Variants in VAC14 observed in about 807,000 individuals in gnomAD.
VAC14 encodes VAC14 component of PIKFYVE complex, also known as protein VAC14 homolog.
Under a neutral mutation model 85.3 loss-of-function variants are expected in VAC14, and 47 were observed. The observed-to-expected ratio is 0.55, with a 90% CI of 0.44 to 0.70. VAC14 has a LOEUF of 0.70. VAC14 is among the 30% of genes least tolerant of loss of function. The pLI is 0.00. For synonymous variants in VAC14, 447 were observed against 430.5 expected (o/e 1.04, Z -0.47); for missense variants, 861 against 1,004.3 (o/e 0.86, Z 1.93).
chr16:70,765,349 C>T (rs971749487), intron 10 of VAC14, among the ~76,000 whole-genome samples: 1 of 152,156 alleles, frequency 6.6e-6, no homozygotes, highest in African/African-American at 2.4e-5. Flanking sequence ...TGACCAGGTC[C>T]CCTACTCCAC....
intron 13 of VAC14, among the ~76,000 whole-genome samples, chr16:70,735,307 G>A (rs1209043189): frequency 6.8e-6 from 1 of 148,134 alleles, no homozygotes; most frequent in Non-Finnish European, 1.5e-5. Flanking sequence ...ACAAGCACAA[G>A]ATAGGCAGGA....
intron 14 of VAC14, chr16:70,731,287 A>G: frequency 7.4e-7 from 1 of 1,344,024 alleles, no homozygotes; most frequent in Non-Finnish European, 9.5e-7. Flanking sequence ...GTGCGGAAAA[A>G]CATCAACACT....
chr16:70,795,494 TAAAAAAAAAAAA>T (rs71153603), intron 1 of VAC14, among the ~76,000 whole-genome samples: 2 of 91,940 alleles, frequency 2.2e-5, no homozygotes, highest in Middle Eastern at 0.012. Context: ...AGACTCTGTC[TAAAAAAAAAAAA>T]AAAAAAAAAA....
chr16:70,772,127 C>G lies in VAC14; in HGVS notation c.1142G>C (p.Ser381Thr). ...CACTTACCTGGCTGCAGTGAAGACA[C>G]TGATGCCGCTACTGAAGCTGGAGTC... ...SCDSSFSSGI[S>T]VFTAASTERA... Residue 381 changes from serine to threonine, a missense_variant, in exon 10 of 19, where the codon AGT becomes ACT. Coordinates refer to ENST00000261776, the MANE Select transcript of VAC14 (RefSeq NM_018052.5). The G allele has an allele frequency of 6.2e-7, 1 of 1,614,170 alleles. No homozygotes were observed. Among genetic ancestry groups the G allele is most frequent in the Non-Finnish European group, 8.5e-7 (1 of 1,180,042 alleles).
intron 13 of VAC14, among the ~76,000 whole-genome samples, chr16:70,734,904 C>T (rs1317143433): frequency 6.6e-6 from 1 of 152,168 alleles, no homozygotes; most frequent in Non-Finnish European, 1.5e-5. Context: ...CTGGCGAGTG[C>T]TAGAGTTGCT....
chr16:70,749,113 C>T lies in VAC14; in HGVS notation c.1372-4534G>A, dbSNP rs117291074. ...CAAGAGATACTTGATGTGCAAAGCA[C>T]GAAAAGCGGGCACACAAGAAAGGCT... On this transcript the variant is annotated intron_variant, in intron 12 of 18. Coordinates refer to ENST00000261776, the MANE Select transcript of VAC14 (RefSeq NM_018052.5). Among the ~76,000 whole-genome samples the T allele has an allele frequency of 3.6e-3, 553 of 152,310 alleles. 1 individual carries two copies. The highest frequency in any genetic ancestry group is 0.014 in the Middle Eastern group (4 of 294).
chr16:70,709,015 G>A (rs1468240694), intron 14 of VAC14, among the ~76,000 whole-genome samples: 1 of 152,208 alleles, frequency 6.6e-6, no homozygotes, highest in Non-Finnish European at 1.5e-5. Flanking sequence ...CCAAGCCCTT[G>A]GGTCCCTGCT....
At chr16:70,766,653 C>T (rs767976700) in intron 10 of VAC14, 30 of 372,058 alleles carry the variant, frequency 8.1e-5, no homozygotes, top group Non-Finnish European at 1.5e-4. Context: ...AGCAGTCATT[C>T]CCTGGGCTGG....
Position 70,784,155 on chromosome 16 carries a change from A to G in VAC14, c.552T>C (p.Ile184=), listed in dbSNP as rs1206838638. 32 of 1,614,002 alleles carry G rather than the reference A, an allele frequency of 2.0e-5. No homozygotes were observed. The highest frequency in any genetic ancestry group is 2.6e-5 in the Non-Finnish European group (31 of 1,180,014). The change falls in exon 5 of 19, where the codon ATT becomes ATC. Residue 184 remains isoleucine, a synonymous_variant. Transcript: ENST00000261776. ...VSFIPLLRER[I]YSNNQYARQF... ...GCCGGGCATACTGGTTGTTGGAGTAAATCCTCTCTCGCAACAAGGGGATGA... is the reference window on the plus strand; with the variant it reads ...GCCGGGCATACTGGTTGTTGGAGTAGATCCTCTCTCGCAACAAGGGGATGA...
At position 70,688,021 on chromosome 16, in the gene VAC14, C is replaced by T. The variant is rs767485470; in HGVS notation, c.2256G>A (p.Leu752=). 8.1e-6 allele frequency: 13 copies of T among 1,606,716 alleles called. No homozygotes were observed. Among genetic ancestry groups the T allele is most frequent in the Non-Finnish European group, 1.1e-5 (13 of 1,175,790 alleles). Residue 752 remains leucine, a synonymous_variant, in exon 19 of 19, where the codon CTG becomes CTA. Coordinates refer to ENST00000261776, the MANE Select transcript of VAC14 (RefSeq NM_018052.5). ...TGTTCTGGACCTTCTCAAAGTGCTGCAGCAGCTCTGCGTAGTCGATGCTAG... is the reference window on the plus strand; with the variant it reads ...TGTTCTGGACCTTCTCAAAGTGCTGTAGCAGCTCTGCGTAGTCGATGCTAG... ...DSPSIDYAEL[L]QHFEKVQNKH...
chr16:70,699,568 A>G lies in VAC14; in HGVS notation c.1662-757T>C, dbSNP rs2142992235. ...TGAAGAGGAGCCTCCCTGTTATACA[A>G]AAGGCAAAAAGGGAACCCAGAGGAT... is the stretch of plus-strand genomic sequence containing the variant. On this transcript the variant is annotated intron_variant, in intron 14 of 18. Coordinates refer to ENST00000261776, the MANE Select transcript of VAC14 (RefSeq NM_018052.5). 2 of 152,334 alleles carry G rather than the reference A, an allele frequency of 1.3e-5. 1 individual carries two copies. Among genetic ancestry groups the G allele is most frequent in the East Asian group, 3.9e-4 (2 of 5,188 alleles). The allele number at this position is 152,334 out of a possible 1,614,324, so 9.4% of individuals were successfully genotyped here.
intron 1 of VAC14, among the ~76,000 whole-genome samples, chr16:70,794,117 G>A (rs1452618979): frequency 1.3e-5 from 2 of 152,164 alleles, no homozygotes; most frequent in African/African-American, 2.4e-5. Context: ...TAACAAAACA[G>A]CACTAATTTA....
At chr16:70,714,305 G>A (rs1439294734) in intron 14 of VAC14, 2 of 152,234 alleles carry the variant, frequency 1.3e-5, no homozygotes, top group Non-Finnish European at 2.9e-5. Flanking sequence ...TTCCCGCGAG[G>A]GTCAGGGACT....
rs1490356796 is a variant in VAC14, at chr16:70,695,597, A to T, written c.1982T>A (p.Phe661Tyr). ...CACCAGCTTGTCCACCTCTGCGAGG[A>T]AGTCCACGGTGACCTCCAGGTCCCC... ...KFGDLEVTVDFLAEVDKLVQL... is the reference protein window; with the variant it reads ...KFGDLEVTVDYLAEVDKLVQL... The change falls in exon 17 of 19, where the codon TTC (phenylalanine) becomes TAC (tyrosine). Residue 661 changes from phenylalanine to tyrosine, a missense_variant. Physicochemically the swap from Phe to Tyr is conservative, Grantham distance 22. Transcript: ENST00000261776. The T allele has an allele frequency of 1.2e-6, 2 of 1,613,848 alleles. No individual in the cohort carries two copies. Among genetic ancestry groups the T allele is most frequent in the Non-Finnish European group, 1.7e-6 (2 of 1,179,930 alleles).
intron 13 of VAC14, among the ~76,000 whole-genome samples, chr16:70,740,048 C>T (rs1004074164): frequency 6.6e-6 from 1 of 150,936 alleles, no homozygotes; most frequent in East Asian, 1.9e-4. Context: ...GCAACCTCCA[C>T]CTGCTGGGTT....
intron 14 of VAC14, among the ~76,000 whole-genome samples, chr16:70,722,390 C>T (rs2054316615): frequency 6.6e-6 from 1 of 152,258 alleles, no homozygotes; most frequent in Admixed American, 6.5e-5. Context: ...CTCTCCTTCC[C>T]CATGGAAGAG....
chr16:70,763,532 G>C (rs1031279417), intron 10 of VAC14, among the ~76,000 whole-genome samples: 1 of 152,190 alleles, frequency 6.6e-6, no homozygotes, highest in African/African-American at 2.4e-5. Context: ...GCCCTTCACC[G>C]GCCATCTGAA....
At chr16:70,791,202 C>A (rs1164934060) in intron 1 of VAC14, among the ~76,000 whole-genome samples, 1 of 152,224 alleles carries the variant, frequency 6.6e-6, no homozygotes, top group Non-Finnish European at 1.5e-5. Context: ...AGCTCCTGGT[C>A]CCTTAAACAT....
chr16:70,770,167 C>G (rs561278625), intron 10 of VAC14: 1 of 152,296 alleles, frequency 6.6e-6, no homozygotes, highest in African/African-American at 2.4e-5. Flanking sequence ...ACTAGGATAG[C>G]GGGGGTCTGG....
Sources: allele counts gnomAD v4.1 joint callset (sites outside exome capture counted in the v4.1 genomes callset), GRCh38; gene constraint gnomAD v4.1.1; transcripts MANE v1.5; gene names NCBI Gene and HGNC (gene_info 2026-07-23, HGNC 2026-07-21).